The following PTPRK variants were observed in gnomAD, a reference collection of about 807,000 sequenced individuals.
PTPRK encodes the protein receptor-type tyrosine-protein phosphatase kappa.
A neutral mutation model predicts 178.0 loss-of-function variants in PTPRK; 75 were observed. The ratio of observed to expected loss-of-function variants is 0.42; its 90% CI spans 0.35 to 0.51. PTPRK has a LOEUF of 0.51. Ranked by LOEUF, PTPRK falls within the 20% of genes least tolerant of loss-of-function variation. PTPRK has a pLI of 0.02. For missense variants in PTPRK, 1,441 were observed against 1,797.8 expected, an observed-to-expected ratio of 0.80 and a Z score of 3.59; for synonymous variants, 637 against 620.6, an observed-to-expected ratio of 1.03 and a Z score of -0.39.
chr6:128,220,671 G>C (rs761593520), intron 5 of PTPRK, among the ~76,000 whole-genome samples: 1 of 152,150 alleles, frequency 6.6e-6, no homozygotes, highest in Non-Finnish European at 1.5e-5. Context: ...AACCACCAGT[G>C]TATGTGGGAT....
chr6:128,221,680 A>C (rs111670282), intron 5 of PTPRK, among the ~76,000 whole-genome samples: 271 of 152,274 alleles, frequency 1.8e-3, no homozygotes, highest in African/African-American at 6.1e-3. Flanking sequence ...ACCTAAGGAC[A>C]TCAAATCCAA....
intron 7 of PTPRK, among the ~76,000 whole-genome samples, chr6:128,094,256 A>G (rs964913169): frequency 1.4e-4 from 22 of 152,170 alleles, no homozygotes; most frequent in Non-Finnish European, 5.9e-5. Flanking sequence ...GGAAGTTAAC[A>G]TAGTAAAATA....
At chr6:128,070,092 T>C (rs1183172351) in intron 11 of PTPRK, among the ~76,000 whole-genome samples, 2 of 152,166 alleles carry the variant, frequency 1.3e-5, no homozygotes, top group South Asian at 2.1e-4. Context: ...ATAATTTATA[T>C]ACAAATATAA....
chr6:128,473,655 G>A (rs1851014792), intron 1 of PTPRK, among the ~76,000 whole-genome samples: 1 of 151,830 alleles, frequency 6.6e-6, no homozygotes, highest in Admixed American at 6.6e-5. Context: ...TATTTTTCAA[G>A]GATGCTTTTG....
intron 2 of PTPRK, among the ~76,000 whole-genome samples, chr6:128,325,991 A>G (rs949904336): frequency 2.4e-4 from 36 of 152,218 alleles, no homozygotes; most frequent in African/African-American, 7.5e-4. Flanking sequence ...GTGCAGCCAT[A>G]AAAAAGGATG....
At chr6:128,017,759 T>TAC (rs1372147089) in intron 13 of PTPRK, among the ~76,000 whole-genome samples, 4 of 18,688 alleles carry the variant, frequency 2.1e-4, no homozygotes, top group African/African-American at 8.3e-4. Context: ...TAAATATATA[T>TAC]ACATATATAA....
intron 3 of PTPRK, among the ~76,000 whole-genome samples, chr6:128,261,179 C>A (rs561359124): frequency 6.6e-6 from 1 of 151,992 alleles, no homozygotes; most frequent in Admixed American, 6.6e-5. Context: ...AAAAGAAAAA[C>A]CCATCAATTT....
Position 128,287,395 on chromosome 6 carries a change from T to G in PTPRK, c.495+34644A>C, listed in dbSNP as rs531345218. ...CCATGCCCTTTTATCCTCTGTTTCA[T>G]GTATTCCACATTTTCATGAGCAAAT... On this transcript the variant is annotated intron_variant, in intron 3 of 29. Coordinates refer to ENST00000368226, the MANE Select transcript of PTPRK (RefSeq NM_002844.4). Among the ~76,000 whole-genome samples the G allele has an allele frequency of 7.9e-5, 12 of 152,322 alleles. No homozygotes were observed. In the East Asian group the frequency reaches 2.1e-3, roughly 27 times the overall value.
intron 18 of PTPRK, among the ~76,000 whole-genome samples, chr6:127,994,488 A>T (rs906698840): frequency 6.6e-6 from 1 of 151,808 alleles, no homozygotes. Flanking sequence ...CAAAGTGATG[A>T]GGTTAGTACT....
chr6:127,978,687 A>AT (rs955721933), intron 25 of PTPRK, among the ~76,000 whole-genome samples: 3 of 152,302 alleles, frequency 2.0e-5, no homozygotes, highest in East Asian at 1.9e-4. Context: ...CTATCTACTC[A>AT]TTTTTTGAGC....
chr6:128,502,812 G>A (rs756328915), intron 1 of PTPRK, among the ~76,000 whole-genome samples: 3 of 152,156 alleles, frequency 2.0e-5, no homozygotes, highest in African/African-American at 4.8e-5. Flanking sequence ...TATGGTGGAA[G>A]TACTAAATAA....
intron 6 of PTPRK, among the ~76,000 whole-genome samples, chr6:128,198,993 G>A (rs1334823941): frequency 1.3e-5 from 2 of 152,160 alleles, no homozygotes; most frequent in Non-Finnish European, 2.9e-5. Context: ...TGTTGGTGAA[G>A]ATGTGAAACT....
intron 8 of PTPRK, 80 bp downstream of exon 8, chr6:128,089,610 A>T (rs189375578): frequency 6.0e-5 from 81 of 1,357,296 alleles, no homozygotes; most frequent in Admixed American, 2.4e-4. Flanking sequence ...AGTATTGGAC[A>T]ATCTTAGGAA....
At chr6:128,020,691 G>A (rs1291487843) in intron 13 of PTPRK, among the ~76,000 whole-genome samples, 1 of 152,146 alleles carries the variant, frequency 6.6e-6, no homozygotes, top group Non-Finnish European at 1.5e-5. Context: ...ACCTTTACTA[G>A]TGCTCAAATT....
At chr6:128,055,993 T>TC (rs200828206) in intron 13 of PTPRK, among the ~76,000 whole-genome samples, 2,560 of 149,710 alleles carry the variant, frequency 0.017, 80 homozygotes, top group African/African-American at 0.059. Flanking sequence ...TTCTTTTCTT[T>TC]TTTTTTTTTT....
chr6:128,158,893 T>C (rs990466908), intron 7 of PTPRK, among the ~76,000 whole-genome samples: 1 of 151,926 alleles, frequency 6.6e-6, no homozygotes. Flanking sequence ...CTTTTCTGTA[T>C]GTACATGAAA....
intron 5 of PTPRK, among the ~76,000 whole-genome samples, chr6:128,236,642 C>T (rs538376124): frequency 1.3e-5 from 2 of 152,108 alleles, no homozygotes; most frequent in East Asian, 1.9e-4. Context: ...CCACTGCGCC[C>T]GACCCTAAAT....
At chr6:128,053,448 C>T (rs190960202) in intron 13 of PTPRK, among the ~76,000 whole-genome samples, 5 of 152,202 alleles carry the variant, frequency 3.3e-5, no homozygotes, top group African/African-American at 9.6e-5. Context: ...TGACTCCCCA[C>T]CCCCAAGCTC....
chr6:128,396,902 G>T (rs1840382905), intron 2 of PTPRK, among the ~76,000 whole-genome samples: 1 of 152,104 alleles, frequency 6.6e-6, no homozygotes, highest in Admixed American at 6.5e-5. Flanking sequence ...GGAGGCTAAG[G>T]CAGGGGAATC....
Sources: gnomAD v4.1 joint callset for allele counts (sites outside exome capture counted in the v4.1 genomes callset) on GRCh38, gnomAD v4.1.1 for gene constraint, MANE v1.5 for transcripts, NCBI Gene and HGNC (gene_info 2026-07-23, HGNC 2026-07-21) for gene names.